The following CIMIP6 variants were observed in gnomAD, a reference collection of about 807,000 sequenced individuals.
The protein encoded by CIMIP6 is ciliary microtubule inner protein 6.
chr2:54,377,048 A>T, the CIMIP6 span, among the ~76,000 whole-genome samples: 1 of 152,314 alleles, frequency 6.6e-6, no homozygotes, highest in East Asian at 1.9e-4. Flanking sequence ...CTCTCGGCCA[A>T]GTCTCAAAGG....
At chr2:54,366,379 T>C in the CIMIP6 span, among the ~76,000 whole-genome samples, 3 of 152,220 alleles carry the variant, frequency 2.0e-5, no homozygotes, top group Non-Finnish European at 4.4e-5. Context: ...CTAATCTGTA[T>C]GAGAAAGAAA....
chr2:54,381,971 T>C, the CIMIP6 span: 3 of 1,545,986 alleles, frequency 1.9e-6, no homozygotes, highest in Non-Finnish European at 2.6e-6. Context: ...ATTTTCTCCT[T>C]GAAATACATT....
chr2:54,349,943 G>A, the CIMIP6 span, among the ~76,000 whole-genome samples: 12 of 150,920 alleles, frequency 8.0e-5, no homozygotes, highest in African/African-American at 1.5e-4. Flanking sequence ...TCTGTCTCCC[G>A]GGCTCAAGAG....
chr2:54,348,410 G>A, the CIMIP6 span, among the ~76,000 whole-genome samples: 1 of 151,996 alleles, frequency 6.6e-6, no homozygotes, highest in East Asian at 1.9e-4. Context: ...TCTTTTATTG[G>A]TATTTCTTTT....
the CIMIP6 span, among the ~76,000 whole-genome samples, chr2:54,336,539 G>T: frequency 2.0e-4 from 30 of 152,206 alleles, no homozygotes; most frequent in East Asian, 5.8e-3. Flanking sequence ...GGGTTTTTAT[G>T]AGAATTAAAA....
At chr2:54,381,918 A>C in the CIMIP6 span, 1 of 1,550,644 alleles carries the variant, frequency 6.4e-7, no homozygotes, top group East Asian at 2.4e-5. Flanking sequence ...AAAGGAACAG[A>C]GAGATCACGG....
chr2:54,383,554 C>T, the CIMIP6 span: 3 of 152,186 alleles, frequency 2.0e-5, no homozygotes, highest in African/African-American at 7.2e-5. Flanking sequence ...TCATGTTAAA[C>T]CACAAATTTG....
At chr2:54,346,926 CT>C in the CIMIP6 span, among the ~76,000 whole-genome samples, 1 of 152,218 alleles carries the variant, frequency 6.6e-6, no homozygotes, top group Non-Finnish European at 1.5e-5. Flanking sequence ...CCTTTTTGAT[CT>C]GTCAAATTTA....
At chr2:54,343,687 C>A in the CIMIP6 span, 1 of 1,525,336 alleles carries the variant, frequency 6.6e-7, no homozygotes. Flanking sequence ...CCTACAGTAT[C>A]CAATATTGTG....
the CIMIP6 span, among the ~76,000 whole-genome samples, chr2:54,371,666 G>A: frequency 6.6e-6 from 1 of 152,222 alleles, no homozygotes; most frequent in Admixed American, 6.5e-5. Context: ...AGTGGTGGGC[G>A]AAGGCAAGGG....
the CIMIP6 span, chr2:54,360,239 G>A: frequency 5.6e-6 from 9 of 1,605,728 alleles, no homozygotes; most frequent in African/African-American, 1.2e-4. Context: ...GATAAAACCA[G>A]GCAGTAGGCC....
chr2:54,339,554 T>A, the CIMIP6 span, among the ~76,000 whole-genome samples: 1 of 75,154 alleles, frequency 1.3e-5, no homozygotes, highest in East Asian at 2.4e-4. Context: ...AAACATTTTT[T>A]TAAAGCACTC....
chr2:54,344,401 G>A, the CIMIP6 span, among the ~76,000 whole-genome samples: 1 of 152,158 alleles, frequency 6.6e-6, no homozygotes, highest in Non-Finnish European at 1.5e-5. Context: ...TTTCTGGAAC[G>A]TAGCAAAGAC....
chr2:54,359,789 G>A, the CIMIP6 span, among the ~76,000 whole-genome samples: 1 of 151,976 alleles, frequency 6.6e-6, no homozygotes, highest in African/African-American at 2.4e-5. Context: ...TTATTACTTA[G>A]CTTTTCATCA....
the CIMIP6 span, among the ~76,000 whole-genome samples, chr2:54,377,692 T>C: frequency 6.6e-6 from 1 of 152,188 alleles, no homozygotes; most frequent in Admixed American, 6.5e-5. Flanking sequence ...TCCATAGGTA[T>C]GTTTGTGTGG....
the CIMIP6 span, among the ~76,000 whole-genome samples, chr2:54,335,794 C>G: frequency 1.3e-5 from 2 of 152,288 alleles, no homozygotes; most frequent in South Asian, 4.2e-4. Context: ...AGGCCTAGTT[C>G]TTTCTGTGGG....
the CIMIP6 span, among the ~76,000 whole-genome samples, chr2:54,362,316 A>T: frequency 1.3e-5 from 2 of 152,246 alleles, no homozygotes; most frequent in Non-Finnish European, 2.9e-5. Context: ...TAATTTCAGA[A>T]CTGGAGATAA....
At chr2:54,336,423 T>C in the CIMIP6 span, among the ~76,000 whole-genome samples, 1 of 152,226 alleles carries the variant, frequency 6.6e-6, no homozygotes, top group Non-Finnish European at 1.5e-5. Flanking sequence ...ATGTCACTAG[T>C]TCATTCCACT....
chr2:54,343,686 T>C, the CIMIP6 span: 65 of 1,518,694 alleles, frequency 4.3e-5, no homozygotes, highest in Non-Finnish European at 5.7e-5. Flanking sequence ...CCCTACAGTA[T>C]CCAATATTGT....
Sources: allele counts gnomAD v4.1 joint callset (sites outside exome capture counted in the v4.1 genomes callset), GRCh38; gene constraint gnomAD v4.1.1; transcripts MANE v1.5; gene names NCBI Gene and HGNC (gene_info 2026-07-23, HGNC 2026-07-21).